KLF17: variants seen among roughly 807,000 people sequenced by gnomAD.
KLF17 encodes the protein Krueppel-like factor 17.
A neutral mutation model predicts 34.2 loss-of-function variants in KLF17; 31 were observed. The ratio of observed to expected loss-of-function variants is 0.91; its 90% CI spans 0.68 to 1.22. The LOEUF (loss-of-function observed/expected upper bound fraction) is 1.22, where lower values mean the gene tolerates loss of function less well. Ranked by LOEUF, KLF17 falls within the 50% of genes most tolerant of loss-of-function variation. KLF17 has a pLI of 0.00. For synonymous variants in KLF17, 179 were observed against 186.7 expected, an observed-to-expected ratio of 0.96 and a Z score of 0.34; for missense variants, 478 against 505.2, an observed-to-expected ratio of 0.95 and a Z score of 0.52.
At chr1:44,079,307 CTTT>C in the KLF17 span, among the ~76,000 whole-genome samples, 1 of 140,852 alleles carries the variant, frequency 7.1e-6, no homozygotes, top group Non-Finnish European at 1.5e-5. Flanking sequence ...TTTTCTTCTC[CTTT>C]TTTTTTTTTT....
At chr1:44,127,535 CTCCT>C (rs758472075) in intron 1 of KLF17, among the ~76,000 whole-genome samples, 29 of 147,918 alleles carry the variant, frequency 2.0e-4, no homozygotes, top group African/African-American at 3.9e-4. Flanking sequence ...CCCTCCTTCC[CTCCT>C]TCCTTCCTTC....
chr1:44,107,477 C>T, the KLF17 span, among the ~76,000 whole-genome samples: 2 of 152,182 alleles, frequency 1.3e-5, no homozygotes, highest in African/African-American at 4.8e-5. Context: ...GTCGACCACA[C>T]TCTGAAATTA....
chr1:44,075,656 T>A, the KLF17 span, among the ~76,000 whole-genome samples: 1 of 152,204 alleles, frequency 6.6e-6, no homozygotes, highest in Non-Finnish European at 1.5e-5. Flanking sequence ...AGAATCCTAT[T>A]TTGTTCAAGG....
At chr1:44,095,145 C>T in the KLF17 span, among the ~76,000 whole-genome samples, 367 of 151,698 alleles carry the variant, frequency 2.4e-3, 1 homozygote, top group African/African-American at 8.6e-3. Context: ...TCATGATCCG[C>T]CCGCCTCGGC....
chr1:44,087,033 G>C, the KLF17 span, among the ~76,000 whole-genome samples: 1 of 152,202 alleles, frequency 6.6e-6, no homozygotes, highest in Non-Finnish European at 1.5e-5. Flanking sequence ...CAGCATCGAT[G>C]TAGATATAGA....
chr1:44,103,523 G>T, the KLF17 span: 9 of 1,229,794 alleles, frequency 7.3e-6, no homozygotes, highest in Admixed American at 1.0e-4. Context: ...CATAGCTGCT[G>T]GTGGTCTTCG....
chr1:44,044,088 G>A, the KLF17 span: 2 of 153,116 alleles, frequency 1.3e-5, no homozygotes, highest in African/African-American at 4.8e-5. Flanking sequence ...GGGTTTCTCT[G>A]GCTCTTCCTG....
chr1:44,122,004 G>A (rs2087951450), intron 1 of KLF17: 2 of 639,172 alleles, frequency 3.1e-6, no homozygotes. Flanking sequence ...CCTTAGGGAT[G>A]GCAAAATAAA....
At chr1:44,064,713 C>G in the KLF17 span, among the ~76,000 whole-genome samples, 2 of 152,136 alleles carry the variant, frequency 1.3e-5, no homozygotes, top group Non-Finnish European at 2.9e-5. Flanking sequence ...TGAATATTCA[C>G]CTTCACATAT....
At chr1:44,090,704 A>G in the KLF17 span, among the ~76,000 whole-genome samples, 2 of 152,174 alleles carry the variant, frequency 1.3e-5, no homozygotes, top group Non-Finnish European at 2.9e-5. Context: ...TCAAGGAGAC[A>G]ACCTCAGAAA....
chr1:44,050,875 C>G, the KLF17 span: 1 of 152,192 alleles, frequency 6.6e-6, no homozygotes, highest in Non-Finnish European at 1.5e-5. Flanking sequence ...TGAGATCGCA[C>G]CATTACACCC....
the KLF17 span, among the ~76,000 whole-genome samples, chr1:44,067,414 G>A: frequency 1.3e-5 from 2 of 152,180 alleles, no homozygotes; most frequent in Non-Finnish European, 2.9e-5. Context: ...GTGACATAAG[G>A]AAGGCTCTTA....
At chr1:44,048,874 T>C in the KLF17 span, among the ~76,000 whole-genome samples, 26 of 152,356 alleles carry the variant, frequency 1.7e-4, no homozygotes, top group African/African-American at 6.0e-4. Context: ...AAGCTTTTTA[T>C]TGGAGTAAAT....
At chr1:44,063,484 G>T in the KLF17 span, among the ~76,000 whole-genome samples, 12 of 152,136 alleles carry the variant, frequency 7.9e-5, no homozygotes, top group African/African-American at 1.4e-4. Flanking sequence ...TTTTTCATAG[G>T]CGTATTGTAA....
the KLF17 span, among the ~76,000 whole-genome samples, chr1:44,112,227 A>C: frequency 2.6e-5 from 4 of 152,082 alleles, no homozygotes; most frequent in African/African-American, 9.7e-5. Context: ...TCTTCTTTAC[A>C]CTGTCAGGAA....
the KLF17 span, among the ~76,000 whole-genome samples, chr1:44,060,286 A>G: frequency 4.6e-5 from 7 of 152,242 alleles, no homozygotes; most frequent in African/African-American, 1.7e-4. Context: ...CCTGGCCAAC[A>G]TGGTGAAACC....
At chr1:44,083,475 A>G in the KLF17 span, among the ~76,000 whole-genome samples, 1 of 152,078 alleles carries the variant, frequency 6.6e-6, no homozygotes, top group South Asian at 2.1e-4. Context: ...ATATCCAGCA[A>G]GTTGTTCTTA....
chr1:44,087,652 T>C, the KLF17 span, among the ~76,000 whole-genome samples: 1 of 147,912 alleles, frequency 6.8e-6, no homozygotes, highest in African/African-American at 2.5e-5. Flanking sequence ...GACATCTGCC[T>C]TCTGGCTGTC....
At chr1:44,103,899 G>T in the KLF17 span, 1 of 812,558 alleles carries the variant, frequency 1.2e-6, no homozygotes, top group Non-Finnish European at 2.2e-6. Flanking sequence ...GTGCCTCCCA[G>T]CCAGCGCCTG....
Sources: gnomAD v4.1 joint callset for allele counts (sites outside exome capture counted in the v4.1 genomes callset) on GRCh38, gnomAD v4.1.1 for gene constraint, MANE v1.5 for transcripts, NCBI Gene and HGNC (gene_info 2026-07-23, HGNC 2026-07-21) for gene names.